The following PPM1A variants were observed in gnomAD, a reference collection of about 807,000 sequenced individuals.
PPM1A encodes the protein protein phosphatase 1A.
A neutral mutation model predicts 35.0 loss-of-function variants in PPM1A; 7 were observed. That is an observed-to-expected ratio of 0.20 (90% CI 0.11 to 0.38). The LOEUF (loss-of-function observed/expected upper bound fraction) is 0.38. Ranked by LOEUF, PPM1A falls within the 10% of genes least tolerant of loss-of-function variation. PPM1A has a pLI of 1.00. For synonymous variants in PPM1A, 153 were observed against 167.3 expected (o/e 0.91, Z 0.66); for missense variants, 239 against 467.8 (o/e 0.51, Z 4.51).
At chr14:60,286,056 A>G in intron 3 of PPM1A, 3 of 1,015,258 alleles carry the variant, frequency 3.0e-6, no homozygotes, top group Non-Finnish European at 3.5e-6. Context: ...TATGCCGGGA[A>G]AATCTGATTT....
chr14:60,291,032 A>G (rs553153786), intron 4 of PPM1A, among the ~76,000 whole-genome samples: 1 of 152,314 alleles, frequency 6.6e-6, no homozygotes, highest in Admixed American at 6.5e-5. Context: ...ACTACGATGC[A>G]ACTCAACTAG....
Position 60,249,701 on chromosome 14 carries a change from G to A in PPM1A, c.-21+24G>A, listed in dbSNP as rs867867238. 2.1e-3 allele frequency: 2,068 copies of A among 982,850 alleles called. 1 individual carries two copies. Among genetic ancestry groups the A allele is most frequent in the Middle Eastern group, 7.3e-3 (14 of 1,914 alleles). The allele number at this position is 982,850 out of a possible 1,614,324, so 60.9% of individuals were successfully genotyped here. A position where few individuals can be genotyped will look rare whatever the true frequency, so the allele number is the denominator to read the frequency against. ...GGGTAAGTGCGGCGCTCGGGCCGAC[G>A]GCGGGCTGGCGGGCGGTGCGGGCCT... is the stretch of plus-strand genomic sequence containing the variant. On this transcript the variant is annotated intron_variant, in intron 1 of 5. Transcript: ENST00000395076. This position sits in a 1 kb window ranked among gnomAD's most constrained non-coding sequence, Gnocchi z 4.5.
intron 1 of PPM1A, chr14:60,276,893 C>A: frequency 3.7e-6 from 1 of 270,152 alleles, no homozygotes; most frequent in East Asian, 1.3e-4. Flanking sequence ...CTTCTTGGCC[C>A]AGCCTTAGAA....
At position 60,289,173 on chromosome 14, in the gene PPM1A, TG is replaced by T. The variant is rs1300172405; in HGVS notation, c.953-632del. Reference sequence around the variant, plus strand: ...AGACCTTTTCTATTCAAGGCTTTGTTGAAGTAATCAGTGAAGGAAATGGTAT... The same window carrying T: ...AGACCTTTTCTATTCAAGGCTTTGTTAAGTAATCAGTGAAGGAAATGGTAT... On this transcript the variant is annotated intron_variant, in intron 3 of 5. Coordinates refer to ENST00000395076, the MANE Select transcript of PPM1A (RefSeq NM_021003.5). The surrounding 1 kb of genome is among the most constrained non-coding windows in gnomAD (Gnocchi z 4.1). 6.6e-6 allele frequency among the ~76,000 whole-genome samples: 1 copy of T among 152,082 alleles called. No individual in the cohort carries two copies. Among genetic ancestry groups the T allele is most frequent in the African/African-American group, 2.4e-5 (1 of 41,434 alleles).
At chr14:60,290,703 G>A (rs779748674) in intron 4 of PPM1A, among the ~76,000 whole-genome samples, 10 of 152,062 alleles carry the variant, frequency 6.6e-5, no homozygotes, top group African/African-American at 2.2e-4. Flanking sequence ...ACTGTGTTTT[G>A]CAAGTGTGAC....
At chr14:60,281,611 C>G (rs944603005) in intron 1 of PPM1A, among the ~76,000 whole-genome samples, 2 of 152,128 alleles carry the variant, frequency 1.3e-5, no homozygotes, top group Non-Finnish European at 2.9e-5. Flanking sequence ...TTTGGATTGC[C>G]TTTAGTTCAG....
chr14:60,277,962 G>A (rs1456921925), intron 1 of PPM1A, among the ~76,000 whole-genome samples: 3 of 152,154 alleles, frequency 2.0e-5, no homozygotes. Context: ...ACAGAGATAA[G>A]GCAATTTGCT....
chr14:60,278,901 C>T (rs1173103123), intron 1 of PPM1A, among the ~76,000 whole-genome samples: 4 of 152,184 alleles, frequency 2.6e-5, no homozygotes, highest in Non-Finnish European at 5.9e-5. Flanking sequence ...TTATTTCCAA[C>T]ATTGACTATT....
At chr14:60,280,396 A>C (rs1396169667) in intron 1 of PPM1A, among the ~76,000 whole-genome samples, 1 of 152,232 alleles carries the variant, frequency 6.6e-6, no homozygotes, top group East Asian at 1.9e-4. Context: ...GCCAGAATTT[A>C]AACCCACATT....
intron 1 of PPM1A, among the ~76,000 whole-genome samples, chr14:60,279,152 C>T (rs2139506646): frequency 6.6e-6 from 1 of 152,286 alleles, no homozygotes; most frequent in East Asian, 1.9e-4. Flanking sequence ...TTGTTTCGCT[C>T]TTGCTGCCCG....
intron 1 of PPM1A, among the ~76,000 whole-genome samples, chr14:60,278,419 A>G (rs1193930243): frequency 2.6e-5 from 4 of 151,590 alleles, no homozygotes; most frequent in Non-Finnish European, 4.4e-5. Context: ...AAGGAAAGCT[A>G]AAAGCCGAGA....
At chr14:60,245,918 G>A, upstream of PPM1A, 1 of 1,583,202 alleles carries the variant, frequency 6.3e-7, no homozygotes, top group South Asian at 1.2e-5. The surrounding 1 kb of genome is among the most constrained non-coding windows in gnomAD (Gnocchi z 4.2). Context: ...AGAGAGAAAA[G>A]AAGAATGGGG....
intron 1 of PPM1A, among the ~76,000 whole-genome samples, chr14:60,276,516 A>G (rs1382740118): frequency 1.3e-5 from 2 of 152,290 alleles, no homozygotes; most frequent in South Asian, 4.1e-4. Context: ...CTTTTGTTAT[A>G]TGAGTAAGAA....
rs1206801091 is a variant in PPM1A, at chr14:60,282,315, C to T, written c.-20-369C>T. On this transcript the variant is annotated intron_variant, in intron 1 of 5. Transcript: ENST00000395076. This position sits in a 1 kb window ranked among gnomAD's most constrained non-coding sequence, Gnocchi z 5.1. ...AGATTTTTTGGGTATGTCATGAATT[C>T]GTTTGGCTTTTCTTAATTGATATAC... Among the ~76,000 whole-genome samples the T allele has an allele frequency of 1.3e-5, 2 of 152,156 alleles. No individual in the cohort carries two copies. The highest frequency in any genetic ancestry group is 2.9e-5 in the Non-Finnish European group (2 of 68,036).
At chr14:60,246,173 AT>A, upstream of PPM1A, 1 of 903,522 alleles carries the variant, frequency 1.1e-6, no homozygotes, top group Non-Finnish European at 1.6e-6. Flanking sequence ...TGAGGGGGTC[AT>A]TTACATTACT....
In PPM1A at chr14:60,292,567, C is replaced by G. The variant is rs1318430160; in HGVS notation, c.*85C>G. 1.6e-6 allele frequency: 2 copies of G among 1,234,392 alleles called. No individual in the cohort carries two copies. The highest frequency in any genetic ancestry group is 4.7e-5 in the East Asian group (2 of 42,170). 76.5% of individuals were successfully genotyped at this position (1,234,392 alleles called of 1,614,324 possible). ...TGTTGAAACTTTTAACATCCATCCT[C>G]AACTTTAAGGAAGGGGATATGACAT... On this transcript the variant is annotated 3_prime_UTR_variant, in exon 6 of 6. Coordinates refer to ENST00000395076, the MANE Select transcript of PPM1A (RefSeq NM_021003.5). This position sits in a 1 kb window ranked among gnomAD's most constrained non-coding sequence, Gnocchi z 4.2.
At chr14:60,256,669 A>G (rs1212329731) in intron 1 of PPM1A, 1 of 152,198 alleles carries the variant, frequency 6.6e-6, no homozygotes, top group African/African-American at 2.4e-5. Context: ...TAGATTTTCA[A>G]TTATTATCTC....
At position 60,283,792 on chromosome 14, in the gene PPM1A, A is replaced by G. The variant is rs1380726107; in HGVS notation, c.834+255A>G. Among the ~76,000 whole-genome samples the G allele has an allele frequency of 1.3e-5, 2 of 152,236 alleles. No homozygotes were observed. The highest frequency in any genetic ancestry group is 2.9e-5 in the Non-Finnish European group (2 of 68,028). ...TTTGTAATAATGTGGAAGATTATCAAAGGTAAAAAGATTTTATCAGAGTGC... is the reference window on the plus strand; with the variant it reads ...TTTGTAATAATGTGGAAGATTATCAGAGGTAAAAAGATTTTATCAGAGTGC... On this transcript the variant is annotated intron_variant, in intron 2 of 5. Transcript: ENST00000395076. The surrounding 1 kb of genome is among the most constrained non-coding windows in gnomAD (Gnocchi z 6.3).
chr14:60,258,702 C>T (rs895335024), intron 1 of PPM1A, among the ~76,000 whole-genome samples: 5 of 151,894 alleles, frequency 3.3e-5, no homozygotes, highest in South Asian at 4.2e-4. Context: ...GTTTGTTGGC[C>T]GGCCAACTTC....
Sources: allele counts gnomAD v4.1 joint callset (sites outside exome capture counted in the v4.1 genomes callset), GRCh38; gene constraint gnomAD v4.1.1; non-coding constraint Gnocchi (gnomAD v3.1); transcripts MANE v1.5; gene names NCBI Gene and HGNC (gene_info 2026-07-23, HGNC 2026-07-21).